Variants in SPTLC3 observed in about 807,000 individuals in gnomAD.
SPTLC3 encodes serine palmitoyltransferase 3.
A neutral mutation model predicts 59.3 loss-of-function variants in SPTLC3; 36 were observed. The ratio of observed to expected loss-of-function variants is 0.61; its 90% CI spans 0.47 to 0.80. The LOEUF (loss-of-function observed/expected upper bound fraction) is 0.80, where lower values mean the gene tolerates loss of function less well. SPTLC3 is among the 30% of genes least tolerant of loss of function. The pLI is 0.00. For synonymous variants in SPTLC3, 257 were observed against 240.8 expected, an observed-to-expected ratio of 1.07 and a Z score of -0.62; for missense variants, 625 against 685.1, an observed-to-expected ratio of 0.91 and a Z score of 0.98.
intron 8 of SPTLC3, among the ~76,000 whole-genome samples, chr20:13,125,351 T>A (rs936557376): frequency 6.6e-6 from 1 of 152,124 alleles, no homozygotes; most frequent in South Asian, 2.1e-4. Context: ...TTCCAATAGT[T>A]CTCTGCTGCC....
intron 7 of SPTLC3, among the ~76,000 whole-genome samples, chr20:13,116,894 T>C (rs1417055848): frequency 1.4e-5 from 2 of 148,024 alleles, no homozygotes; most frequent in East Asian, 4.0e-4. Flanking sequence ...GATTCTGATG[T>C]TCACTCAACT....
At chr20:13,043,574 G>A (rs930753830) in intron 1 of SPTLC3, among the ~76,000 whole-genome samples, 4 of 152,282 alleles carry the variant, frequency 2.6e-5, no homozygotes, top group Middle Eastern at 3.4e-3. Flanking sequence ...GATAGTCTGC[G>A]TCCCTGTGGC....
intron 9 of SPTLC3, among the ~76,000 whole-genome samples, chr20:13,141,422 T>C (rs1321380650): frequency 1.3e-5 from 2 of 152,280 alleles, no homozygotes; most frequent in East Asian, 3.9e-4. Context: ...AAAAAAATCT[T>C]CTCACATTTC....
intron 9 of SPTLC3, among the ~76,000 whole-genome samples, chr20:13,147,233 G>A (rs1167622510): frequency 6.6e-6 from 1 of 152,080 alleles, no homozygotes; most frequent in Non-Finnish European, 1.5e-5. Context: ...CTGGAATCCC[G>A]ACATCAAAAG....
At chr20:13,156,388 C>T (rs2038768943) in intron 10 of SPTLC3, among the ~76,000 whole-genome samples, 1 of 152,148 alleles carries the variant, frequency 6.6e-6, no homozygotes, top group East Asian at 1.9e-4. Context: ...AGAATTCACA[C>T]AATATGCTAT....
chr20:13,135,373 C>A (rs1178706622), intron 9 of SPTLC3, among the ~76,000 whole-genome samples: 2 of 152,130 alleles, frequency 1.3e-5, no homozygotes. Context: ...AACAGTCACC[C>A]TCCATTTGAC....
chr20:13,164,657 CTG>C, intron 11 of SPTLC3, 95 bp from the exon 12 acceptor site: 2 of 856,136 alleles, frequency 2.3e-6, no homozygotes, highest in East Asian at 2.7e-5. Flanking sequence ...CAAACTAAGA[CTG>C]TGTGTCTTTG....
intron 6 of SPTLC3, among the ~76,000 whole-genome samples, chr20:13,096,269 AC>A (rs967277043): frequency 2.6e-5 from 4 of 152,102 alleles, no homozygotes; most frequent in Non-Finnish European, 5.9e-5. Flanking sequence ...GAAATTCTAT[AC>A]CTAGATATTT....
intron 1 of SPTLC3, among the ~76,000 whole-genome samples, chr20:13,019,882 T>G (rs1985776556): frequency 6.6e-6 from 1 of 152,224 alleles, no homozygotes; most frequent in Non-Finnish European, 1.5e-5. Context: ...GTCTTGTGGT[T>G]GTGAGTCTTT....
rs138736113 is a variant in SPTLC3 at position 13,029,460 on chromosome 20, A to G, written c.118-19485A>G. Reference sequence around the variant, plus strand: ...ATACAAAGCTGGTTGATTCAGGAGTATTGCTAGTCAAGATTAGCCTTGCTC... The same window carrying G: ...ATACAAAGCTGGTTGATTCAGGAGTGTTGCTAGTCAAGATTAGCCTTGCTC... On this transcript the variant is annotated intron_variant, in intron 1 of 11. Coordinates refer to ENST00000399002, the MANE Select transcript of SPTLC3 (RefSeq NM_018327.4). 7.2e-3 allele frequency among the ~76,000 whole-genome samples: 1,097 copies of G among 152,280 alleles called. 9 individuals carry two copies. Among genetic ancestry groups the G allele is most frequent in the African/African-American group, 0.025 (1,021 of 41,540 alleles).
intron 3 of SPTLC3, among the ~76,000 whole-genome samples, chr20:13,072,632 T>C (rs1238539837): frequency 6.6e-6 from 1 of 151,824 alleles, no homozygotes; most frequent in Non-Finnish European, 1.5e-5. Flanking sequence ...ACCTAAGACC[T>C]GGGTCAGAAG....
chr20:13,138,275 T>C (rs2038297202), intron 9 of SPTLC3, among the ~76,000 whole-genome samples: 1 of 152,194 alleles, frequency 6.6e-6, no homozygotes, highest in South Asian at 2.1e-4. Context: ...AGCATCAGCT[T>C]TGGCCACATC....
At chr20:13,143,250 T>A (rs977135947) in intron 9 of SPTLC3, among the ~76,000 whole-genome samples, 1 of 152,192 alleles carries the variant, frequency 6.6e-6, no homozygotes, top group Non-Finnish European at 1.5e-5. Flanking sequence ...GACCCAGTTT[T>A]AGAGAGCAAA....
chr20:13,061,740 T>C (rs1352759220), intron 2 of SPTLC3, among the ~76,000 whole-genome samples: 2 of 152,166 alleles, frequency 1.3e-5, no homozygotes, highest in Non-Finnish European at 2.9e-5. Flanking sequence ...TCAGACTACT[T>C]CTTACCACCC....
At chr20:13,114,779 AAGG>A (rs138189564) in intron 7 of SPTLC3, among the ~76,000 whole-genome samples, 3,639 of 152,260 alleles carry the variant, frequency 0.024, 144 homozygotes, top group African/African-American at 0.083. Context: ...TGGGCCCACC[AAGG>A]AGATTTTTCC....
intron 1 of SPTLC3, among the ~76,000 whole-genome samples, chr20:13,013,834 A>G (rs1006062088): frequency 2.0e-5 from 3 of 152,154 alleles, no homozygotes; most frequent in African/African-American, 4.8e-5. Context: ...TAACTATTGG[A>G]TTGTTCATGA....
intron 6 of SPTLC3, among the ~76,000 whole-genome samples, chr20:13,102,722 A>C (rs1279836170): frequency 6.6e-6 from 1 of 152,154 alleles, no homozygotes; most frequent in Non-Finnish European, 1.5e-5. Context: ...ACCTTGGTGC[A>C]TTGAGCCCCC....
At chr20:13,123,720 C>T (rs1011223070) in intron 8 of SPTLC3, among the ~76,000 whole-genome samples, 21 of 152,182 alleles carry the variant, frequency 1.4e-4, no homozygotes, top group Non-Finnish European at 2.2e-4. Context: ...AATTTTAGGA[C>T]AGGCCCATGC....
chr20:13,121,371 C>A (rs2037862213), intron 8 of SPTLC3, among the ~76,000 whole-genome samples: 1 of 152,174 alleles, frequency 6.6e-6, no homozygotes, highest in African/African-American at 2.4e-5. Context: ...GTGAGCTCTG[C>A]CCTGCACACT....
Sources: gnomAD v4.1 joint callset for allele counts (sites outside exome capture counted in the v4.1 genomes callset) on GRCh38, gnomAD v4.1.1 for gene constraint, MANE v1.5 for transcripts, NCBI Gene and HGNC (gene_info 2026-07-23, HGNC 2026-07-21) for gene names.